Variants in TMEM132B observed in about 807,000 individuals in gnomAD.
TMEM132B encodes transmembrane protein 132B.
In TMEM132B, 18 loss-of-function variants were observed where a neutral mutation model predicts 90.8. The ratio of observed to expected loss-of-function variants is 0.20; its 90% confidence interval spans 0.14 to 0.29. The LOEUF is 0.29. Among genes scored for constraint, TMEM132B ranks in the 10% least tolerant of loss-of-function variants. The pLI is 1.00. For missense variants in TMEM132B, 1,096 were observed against 1,326.8 expected (o/e 0.83, Z 2.70); for synonymous variants, 504 against 523.3 (o/e 0.96, Z 0.50).
Position 125,656,823 on chromosome 12 carries a change from A to G in TMEM132B, c.*2113A>G, listed in dbSNP as rs888661997. On this transcript the variant is annotated 3_prime_UTR_variant, in exon 9 of 9. Transcript: ENST00000682704. ...TCGGCTCCTTCTATGAGGCTTTTCA[A>G]TCGTCTCTCCCTTTGGATCTCTGGC... is the stretch of plus-strand genomic sequence containing the variant. The G allele has an allele frequency of 1.3e-5, 2 of 152,212 alleles. No individual in the cohort carries two copies. Among genetic ancestry groups the G allele is most frequent in the Non-Finnish European group, 1.5e-5 (1 of 68,056 alleles). The allele number at this position is 152,212 out of a possible 1,614,324, so 9.4% of individuals were successfully genotyped here.
At chr12:125,466,380 C>T (rs776798601) in intron 3 of TMEM132B, among the ~76,000 whole-genome samples, 7 of 152,132 alleles carry the variant, frequency 4.6e-5, no homozygotes, top group African/African-American at 9.7e-5. Flanking sequence ...TCCCTGATAT[C>T]GGAGGGGAAG....
intron 1 of TMEM132B, among the ~76,000 whole-genome samples, chr12:125,204,946 T>C (rs1873145310): frequency 7.2e-6 from 1 of 138,490 alleles, no homozygotes; most frequent in African/African-American, 2.8e-5. Flanking sequence ...GAGTATCTCA[T>C]GAATCCTTTC....
At chr12:125,215,314 T>TGGGTGTCACCCAGCTAAAATCA (rs1393498514) in intron 1 of TMEM132B, among the ~76,000 whole-genome samples, 2 of 152,218 alleles carry the variant, frequency 1.3e-5, no homozygotes, top group Non-Finnish European at 2.9e-5. Flanking sequence ...AAGTCAGAAA[T>TGGGTGTCACCCAGCTAAAATCA]GGGTGTCACC....
At chr12:125,232,937 A>G (rs1873858676) in intron 1 of TMEM132B, among the ~76,000 whole-genome samples, 1 of 152,222 alleles carries the variant, frequency 6.6e-6, no homozygotes, top group Admixed American at 6.5e-5. Context: ...CAAGAGTCTC[A>G]ACTTCTTAAT....
At chr12:125,231,893 C>CA (rs1555233030) in intron 1 of TMEM132B, among the ~76,000 whole-genome samples, 3 of 151,890 alleles carry the variant, frequency 2.0e-5, no homozygotes, top group South Asian at 2.1e-4. Flanking sequence ...GTCCCCCCCC[C>CA]ACCAAAACTC....
chr12:125,513,385 C>T (rs1373800431), intron 3 of TMEM132B, among the ~76,000 whole-genome samples: 7 of 151,942 alleles, frequency 4.6e-5, no homozygotes, highest in Non-Finnish European at 8.8e-5. Flanking sequence ...CGTGCGTGTG[C>T]GAGAGAGTAT....
intron 5 of TMEM132B, among the ~76,000 whole-genome samples, chr12:125,602,174 A>G (rs1007146289): frequency 6.6e-6 from 1 of 152,266 alleles, no homozygotes; most frequent in Admixed American, 6.5e-5. Flanking sequence ...AGAAAATTTC[A>G]GGCTAATATC....
chr12:125,405,310 G>C (rs1488268243), intron 2 of TMEM132B, among the ~76,000 whole-genome samples: 1 of 152,094 alleles, frequency 6.6e-6, no homozygotes, highest in Admixed American at 6.6e-5. Flanking sequence ...TGCCTTCTCA[G>C]GTTCCCTGTC....
intron 1 of TMEM132B, among the ~76,000 whole-genome samples, chr12:125,329,334 G>A (rs1414050393): frequency 2.0e-5 from 3 of 152,180 alleles, no homozygotes; most frequent in Non-Finnish European, 4.4e-5. Flanking sequence ...TGTTACAGCT[G>A]GCCAAGCTGA....
In TMEM132B at chr12:125,660,731, A is replaced by C. The variant is rs1413655110; in HGVS notation, c.*6021A>C. On this transcript the variant is annotated 3_prime_UTR_variant, in exon 9 of 9. Coordinates refer to ENST00000682704, the MANE Select transcript of TMEM132B (RefSeq NM_001366854.1). ...ATGTTATCAACTTACAATATTGGAC[A>C]ATCTTCATATTCTATGAGATGCCTT... 1 of 152,248 alleles carries C rather than the reference A, an allele frequency of 6.6e-6. No individual in the cohort carries two copies. Among genetic ancestry groups the C allele is most frequent in the Non-Finnish European group, 1.5e-5 (1 of 68,040 alleles). The allele number at this position is 152,248 out of a possible 1,614,324, so 9.4% of individuals were successfully genotyped here.
chr12:125,520,806 A>G (rs539589868), intron 4 of TMEM132B, among the ~76,000 whole-genome samples: 7 of 152,166 alleles, frequency 4.6e-5, no homozygotes, highest in African/African-American at 1.7e-4. Context: ...CACATCTTTC[A>G]CCCCTGCACC....
intron 1 of TMEM132B, among the ~76,000 whole-genome samples, chr12:125,235,353 AC>A (rs1194781928): frequency 6.6e-6 from 1 of 150,732 alleles, no homozygotes; most frequent in African/African-American, 2.4e-5. Context: ...CATGGATCCC[AC>A]CTTTGTCCCA....
At chr12:125,267,470 G>T (rs1108330) in intron 1 of TMEM132B, among the ~76,000 whole-genome samples, 8,180 of 152,226 alleles carry the variant, frequency 0.054, 593 homozygotes, top group African/African-American at 0.16. Context: ...GTGTTGGGGG[G>T]TTCCATGAAT....
At chr12:125,476,319 T>C (rs1881880879) in intron 3 of TMEM132B, among the ~76,000 whole-genome samples, 1 of 152,238 alleles carries the variant, frequency 6.6e-6, no homozygotes, top group Admixed American at 6.5e-5. Flanking sequence ...TGCCCTGCTC[T>C]TGATAACCAC....
intron 1 of TMEM132B, among the ~76,000 whole-genome samples, chr12:125,220,352 G>T (rs1042317138): frequency 6.6e-6 from 1 of 152,200 alleles, no homozygotes; most frequent in African/African-American, 2.4e-5. Context: ...GGGCGACCCA[G>T]CCTCACCGCC....
chr12:125,483,053 C>T lies in TMEM132B; in HGVS notation c.1107-36386C>T, dbSNP rs189271478. On this transcript the variant is annotated intron_variant, in intron 3 of 8. Coordinates refer to ENST00000682704, the MANE Select transcript of TMEM132B (RefSeq NM_001366854.1). ...AGGTGGGAATTGAACAATGAGAACA[C>T]TTGGACACAGGGCGGGGAACATCAC... Among the ~76,000 whole-genome samples, 67 of 136,872 alleles carry T rather than the reference C, an allele frequency of 4.9e-4. 1 individual carries two copies. The East Asian group carries it at 0.014, about 29-fold the overall frequency. The allele number at this position is 136,872 out of a possible 152,430, so 89.8% of individuals were successfully genotyped here.
At chr12:125,539,297 T>C (rs1034714188) in intron 4 of TMEM132B, among the ~76,000 whole-genome samples, 5 of 152,224 alleles carry the variant, frequency 3.3e-5, no homozygotes, top group Admixed American at 3.3e-4. Flanking sequence ...TTTTCTGGAA[T>C]GGGCCAATCT....
chr12:125,631,928 A>G (rs1886377002), intron 5 of TMEM132B, among the ~76,000 whole-genome samples: 1 of 152,040 alleles, frequency 6.6e-6, no homozygotes, highest in South Asian at 2.1e-4. Flanking sequence ...TCTTTTTAAA[A>G]AATCCATTTA....
In TMEM132B at chr12:125,654,607, T is replaced by C; in HGVS notation, c.3149T>C (p.Leu1050Pro). 6.2e-7 allele frequency: 1 copy of C among 1,614,230 alleles called. No individual in the cohort carries two copies. Among genetic ancestry groups the C allele is most frequent in the Non-Finnish European group, 8.5e-7 (1 of 1,180,042 alleles). The change falls in exon 9 of 9, where the codon CTG becomes CCG. Residue 1050 changes from leucine to proline, a missense_variant. Leu to Pro is a moderately conservative substitution (Grantham distance 98, BLOSUM62 -3). Transcript: ENST00000682704. This position sits in a 1 kb window ranked among gnomAD's most constrained non-coding sequence, Gnocchi z 5.8. Reference sequence around the variant, plus strand: ...GGCGGCCCATACACCAACTCCATCCTGTTTGACAGCGATGATAACATCAAG... The same window carrying C: ...GGCGGCCCATACACCAACTCCATCCCGTTTGACAGCGATGATAACATCAAG... ...EDGGPYTNSI[L>P]FDSDDNIKWV... is the part of the protein sequence containing the mutation.
Sources: gnomAD v4.1 joint callset for allele counts (sites outside exome capture counted in the v4.1 genomes callset) on GRCh38, gnomAD v4.1.1 for gene constraint, Gnocchi (gnomAD v3.1) non-coding constraint, MANE v1.5 for transcripts, NCBI Gene and HGNC (gene_info 2026-07-23, HGNC 2026-07-21) for gene names.